The following COL24A1 variants were observed in gnomAD, a reference collection of about 807,000 sequenced individuals.
COL24A1 encodes collagen alpha-1(XXIV) chain.
Under a neutral mutation model 253.9 loss-of-function variants are expected in COL24A1, and 224 were observed. The observed-to-expected ratio is 0.88, with a 90% CI of 0.79 to 0.99. The LOEUF is 0.99. COL24A1 is among the 50% of genes least tolerant of loss of function. COL24A1 has a pLI of 0.00. For synonymous variants in COL24A1, 685 were observed against 673.7 expected (o/e 1.02, Z -0.26); for missense variants, 2,131 against 2,068.5 (o/e 1.03, Z -0.59).
intron 28 of COL24A1, among the ~76,000 whole-genome samples, chr1:85,905,922 T>C (rs953435143): frequency 2.6e-5 from 4 of 152,104 alleles, no homozygotes; most frequent in Non-Finnish European, 5.9e-5. Flanking sequence ...TTTCCCATTA[T>C]GACTTATACA....
chr1:85,860,315 C>T (rs1904947), intron 37 of COL24A1, among the ~76,000 whole-genome samples: 89,691 of 151,940 alleles, frequency 0.59, 26,692 homozygotes, highest in South Asian at 0.75. Flanking sequence ...AGAACATTTT[C>T]GTCACTTCCC....
At chr1:85,755,920 ACT>A (rs200876593) in intron 55 of COL24A1, among the ~76,000 whole-genome samples, 28,203 of 148,314 alleles carry the variant, frequency 0.19, 2,814 homozygotes, top group Middle Eastern at 0.28. Context: ...AAAAAAAAAA[ACT>A]TCTGTGCATC....
chr1:85,955,739 A>G (rs1392257416), intron 24 of COL24A1, among the ~76,000 whole-genome samples: 1 of 152,216 alleles, frequency 6.6e-6, no homozygotes, highest in African/African-American at 2.4e-5. Flanking sequence ...GTATCAAGCT[A>G]ATTTCATGGT....
At chr1:86,077,532 T>G (rs185652886) in intron 7 of COL24A1, among the ~76,000 whole-genome samples, 1 of 152,302 alleles carries the variant, frequency 6.6e-6, no homozygotes, top group Non-Finnish European at 1.5e-5. Context: ...TAAAGACACA[T>G]GCACGCATAT....
At chr1:85,836,030 CAG>C (rs1675963758) in intron 43 of COL24A1, among the ~76,000 whole-genome samples, 4 of 152,196 alleles carry the variant, frequency 2.6e-5, no homozygotes, top group Admixed American at 2.6e-4. Flanking sequence ...CGAAGGGACA[CAG>C]AGAATAATCT....
At chr1:86,025,822 G>T (rs185974924) in intron 14 of COL24A1, among the ~76,000 whole-genome samples, 207 of 152,080 alleles carry the variant, frequency 1.4e-3, no homozygotes, top group Middle Eastern at 3.4e-3. Flanking sequence ...CATCTTCTGT[G>T]TATTTGAACA....
rs375794865 is a variant in COL24A1, at chr1:85,979,906, T to C, written c.2364+7695A>G. Among the ~76,000 whole-genome samples the C allele has an allele frequency of 8.0e-4, 121 of 152,056 alleles. No individual in the cohort carries two copies. In the Middle Eastern group the frequency reaches 0.017, roughly 21 times the overall value. On this transcript the variant is annotated intron_variant, in intron 20 of 59. Transcript: ENST00000370571. ...AAAAAAGAGAAACTACAGAACAATATCCCTGATGAATATAGATGCAAAAAT... is the reference window on the plus strand; with the variant it reads ...AAAAAAGAGAAACTACAGAACAATACCCCTGATGAATATAGATGCAAAAAT...
chr1:85,784,870 A>G (rs1669519449), intron 48 of COL24A1, among the ~76,000 whole-genome samples: 1 of 152,054 alleles, frequency 6.6e-6, no homozygotes, highest in Non-Finnish European at 1.5e-5. Flanking sequence ...AGCTGGGACT[A>G]CAGGCACACA....
intron 37 of COL24A1, among the ~76,000 whole-genome samples, chr1:85,858,621 C>CTCCCTCCCTCCTTCCTTCCTTCCTTCCT (rs1347863094): frequency 1.8e-5 from 2 of 113,270 alleles, no homozygotes; most frequent in Non-Finnish European, 3.8e-5. Flanking sequence ...TATTTTCTCC[C>CTCCCTCCCTCCTTCCTTCCTTCCTTCCT]TCCTTCCTTC....
chr1:86,126,264 A>G, intron 2 of COL24A1, 50 bp from the exon 3 acceptor site: 1 of 1,475,150 alleles, frequency 6.8e-7, no homozygotes, highest in Non-Finnish European at 9.1e-7. Context: ...TTATGGATTC[A>G]AGTGTTCATA....
chr1:86,146,129 T>G lies in COL24A1; in HGVS notation c.111A>C (p.Ala37=). ...AGGTAATTTTCTTACCTTGTTCTTGTGCATGAACAACCACCCCAGCCACAC... is the reference window on the plus strand; with the variant it reads ...AGGTAATTTTCTTACCTTGTTCTTGGGCATGAACAACCACCCCAGCCACAC... ...VLCVAGVVVH[A]QEQGIDILHQ... Residue 37 remains alanine, a synonymous_variant, in exon 2 of 60, where the codon GCA becomes GCC. Coordinates refer to ENST00000370571, the MANE Select transcript of COL24A1 (RefSeq NM_152890.7). 6.2e-7 allele frequency: 1 copy of G among 1,611,024 alleles called. No homozygotes were observed. Among genetic ancestry groups the G allele is most frequent in the Non-Finnish European group, 8.5e-7 (1 of 1,178,258 alleles).
intron 19 of COL24A1, among the ~76,000 whole-genome samples, chr1:86,009,951 T>G (rs1258975994): frequency 6.6e-6 from 1 of 150,656 alleles, no homozygotes; most frequent in East Asian, 2.2e-4. Flanking sequence ...TAAAATAAAC[T>G]ATGATACTGA....
intron 52 of COL24A1, among the ~76,000 whole-genome samples, chr1:85,777,210 A>C (rs1234338028): frequency 6.6e-6 from 1 of 152,092 alleles, no homozygotes; most frequent in Admixed American, 6.6e-5. Flanking sequence ...AGCCTCCCAA[A>C]GTGCTGAGAT....
chr1:85,732,532 C>T (rs1009370642), intron 59 of COL24A1, among the ~76,000 whole-genome samples: 1 of 152,112 alleles, frequency 6.6e-6, no homozygotes, highest in Non-Finnish European at 1.5e-5. Context: ...CCCAGCCATG[C>T]CTGGGATTGA....
chr1:86,148,881 G>A (rs570795581), intron 1 of COL24A1, among the ~76,000 whole-genome samples: 51 of 152,024 alleles, frequency 3.4e-4, no homozygotes, highest in African/African-American at 1.2e-3. Context: ...GGGATGGCTG[G>A]GTCAAATGGT....
At chr1:86,101,337 A>C (rs1704435911) in intron 5 of COL24A1, among the ~76,000 whole-genome samples, 1 of 152,144 alleles carries the variant, frequency 6.6e-6, no homozygotes, top group Admixed American at 6.6e-5. Context: ...GCAAACAAGG[A>C]TAGTTTGACT....
At chr1:85,967,682 CTGGTCCACCTCAGAAGAT>C (rs940182545) in intron 22 of COL24A1, among the ~76,000 whole-genome samples, 1 of 152,144 alleles carries the variant, frequency 6.6e-6, no homozygotes, top group African/African-American at 2.4e-5. Flanking sequence ...CAGGATGAAA[CTGGTCCACCTCAGAAGAT>C]CATCAGGCAT....
At chr1:85,922,645 G>C (rs1438479945) in intron 24 of COL24A1, among the ~76,000 whole-genome samples, 1 of 152,148 alleles carries the variant, frequency 6.6e-6, no homozygotes, top group Non-Finnish European at 1.5e-5. Context: ...CACCAGGCCT[G>C]TCTTACAAGA....
intron 55 of COL24A1, 38 bp downstream of exon 55, chr1:85,761,357 TA>T: frequency 6.2e-7 from 1 of 1,610,372 alleles, no homozygotes; most frequent in Non-Finnish European, 8.5e-7. Context: ...TATGACATAC[TA>T]AGATAAAACA....
Sources: allele counts gnomAD v4.1 joint callset (sites outside exome capture counted in the v4.1 genomes callset), GRCh38; gene constraint gnomAD v4.1.1; transcripts MANE v1.5; gene names NCBI Gene and HGNC (gene_info 2026-07-23, HGNC 2026-07-21).